Variants in SYCP2L observed in about 807,000 individuals in gnomAD.
SYCP2L encodes the protein synaptonemal complex protein 2 like.
Under a neutral mutation model 125.8 loss-of-function variants are expected in SYCP2L, and 98 were observed. That is an observed-to-expected ratio of 0.78 (90% CI 0.66 to 0.92). SYCP2L has a LOEUF of 0.92. SYCP2L is among the 40% of genes least tolerant of loss of function. The probability of loss-of-function intolerance (pLI) is 0.00; values close to 1 mark genes in which losing one functional copy is unlikely to be tolerated. For synonymous variants in SYCP2L, 317 were observed against 325.4 expected (o/e 0.97, Z 0.28); for missense variants, 842 against 936.4 (o/e 0.90, Z 1.32).
At chr6:10,918,394 C>T (rs1201418042) in intron 14 of SYCP2L, among the ~76,000 whole-genome samples, 6 of 151,980 alleles carry the variant, frequency 3.9e-5, no homozygotes, top group East Asian at 1.9e-4. Flanking sequence ...TCTTCTTTCT[C>T]GGGAGTGCCA....
At chr6:10,953,699 A>C (rs1437131156) in intron 23 of SYCP2L, among the ~76,000 whole-genome samples, 1 of 152,152 alleles carries the variant, frequency 6.6e-6, no homozygotes, top group Non-Finnish European at 1.5e-5. Flanking sequence ...GGTGTCAGGG[A>C]TATGGTAGTG....
intron 21 of SYCP2L, among the ~76,000 whole-genome samples, chr6:10,937,353 C>G (rs1781117697): frequency 6.6e-6 from 1 of 151,894 alleles, no homozygotes; most frequent in African/African-American, 2.4e-5. Flanking sequence ...ACCAATGGAT[C>G]AAATAAATTA....
intron 5 of SYCP2L, 118 bp downstream of exon 5, chr6:10,898,233 G>A (rs1780293047): frequency 1.3e-6 from 1 of 760,082 alleles, no homozygotes. Flanking sequence ...AGACTCACAT[G>A]GCTGGGCGTG....
chr6:10,945,213 A>G (rs1781289205), intron 23 of SYCP2L, among the ~76,000 whole-genome samples: 1 of 152,212 alleles, frequency 6.6e-6, no homozygotes, highest in Non-Finnish European at 1.5e-5. Flanking sequence ...AGTATATGCC[A>G]ATTTTTAAAA....
chr6:10,918,824 A>G (rs1237855428), intron 14 of SYCP2L, among the ~76,000 whole-genome samples: 1 of 152,154 alleles, frequency 6.6e-6, no homozygotes, highest in African/African-American at 2.4e-5. Flanking sequence ...GTGAGCTACC[A>G]TGCCCGGCTG....
chr6:10,950,967 A>ATT (rs150082383), intron 23 of SYCP2L, among the ~76,000 whole-genome samples: 3 of 150,328 alleles, frequency 2.0e-5, no homozygotes, highest in Non-Finnish European at 4.4e-5. Context: ...CCAGAGGATA[A>ATT]TTTTTTTTTT....
intron 14 of SYCP2L, among the ~76,000 whole-genome samples, chr6:10,922,021 T>G (rs1365122141): frequency 6.6e-6 from 1 of 152,056 alleles, no homozygotes; most frequent in Non-Finnish European, 1.5e-5. Context: ...TTTTTAATGT[T>G]TTTTGTTTGT....
Position 10,935,099 on chromosome 6 carries a change from A to C in SYCP2L, c.1725A>C (p.Gln575His). 6.2e-7 allele frequency: 1 copy of C among 1,612,868 alleles called. No individual in the cohort carries two copies. The highest frequency in any genetic ancestry group is 8.5e-7 in the Non-Finnish European group (1 of 1,179,506). Residue 575 changes from glutamine (Q) to histidine (H), a missense_variant, in exon 21 of 30, where the codon CAA becomes CAC. Physicochemically the swap from Gln to His is conservative, Grantham distance 24. Coordinates refer to ENST00000283141, the MANE Select transcript of SYCP2L (RefSeq NM_001040274.3). Reference protein sequence around the residue: ...LSPSEKEIPEQNNTTSPKTSE... With the variant: ...LSPSEKEIPEHNNTTSPKTSE... ...CATCAGAGAAAGAAATACCCGAGCA[A>C]AATAACACCACATCTCCAAAGACTT...
chr6:10,942,322 C>G (rs1255381640), intron 21 of SYCP2L, 137 bp from the exon 22 acceptor site: 3 of 599,060 alleles, frequency 5.0e-6, no homozygotes, highest in Non-Finnish European at 8.4e-6. Flanking sequence ...CCGAAAGACA[C>G]AGTCAGTAGA....
chr6:10,972,696 TTA>T (rs1460373163), intron 29 of SYCP2L, among the ~76,000 whole-genome samples: 1 of 152,174 alleles, frequency 6.6e-6, no homozygotes, highest in African/African-American at 2.4e-5. Flanking sequence ...CGCTTTTTAT[TTA>T]TTTAGTCTAT....
chr6:10,888,514 A>G (rs1044276312), intron 1 of SYCP2L, among the ~76,000 whole-genome samples: 7 of 152,178 alleles, frequency 4.6e-5, no homozygotes, highest in Non-Finnish European at 8.8e-5. Flanking sequence ...CTGCCACATG[A>G]TCTTCACAGA....
At chr6:10,908,130 C>T (rs752919070) in intron 10 of SYCP2L, among the ~76,000 whole-genome samples, 3 of 151,878 alleles carry the variant, frequency 2.0e-5, no homozygotes, top group South Asian at 2.1e-4. Flanking sequence ...TCAGGTGATC[C>T]GCCCACCTTG....
At chr6:10,961,643 G>A (rs1781595309) in intron 28 of SYCP2L, 85 bp downstream of exon 28, 9 of 1,344,432 alleles carry the variant, frequency 6.7e-6, no homozygotes, top group Non-Finnish European at 9.5e-6. Context: ...GTTGGTGACG[G>A]TAAAACTCCC....
intron 17 of SYCP2L, among the ~76,000 whole-genome samples, chr6:10,928,118 C>T (rs141013170): frequency 0.02 from 3,002 of 152,022 alleles, 87 homozygotes; most frequent in African/African-American, 0.068. Flanking sequence ...GTGCAGTTAA[C>T]GCAATCATCA....
At chr6:10,919,555 C>G (rs1212809550) in intron 14 of SYCP2L, among the ~76,000 whole-genome samples, 1 of 152,172 alleles carries the variant, frequency 6.6e-6, no homozygotes, top group South Asian at 2.1e-4. Context: ...GGTTGGCCTT[C>G]TGCCGGTAGG....
At chr6:10,938,414 A>G (rs1781145430) in intron 21 of SYCP2L, among the ~76,000 whole-genome samples, 1 of 152,196 alleles carries the variant, frequency 6.6e-6, no homozygotes, top group Non-Finnish European at 1.5e-5. Flanking sequence ...CCTCAATATT[A>G]AAAAGGCCAT....
chr6:10,906,553 G>T (rs1780494008), intron 9 of SYCP2L, among the ~76,000 whole-genome samples: 2 of 151,340 alleles, frequency 1.3e-5, no homozygotes, highest in African/African-American at 4.9e-5. Context: ...TAGTTTATTT[G>T]CTGTGAAATA....
rs955086961 is a variant in SYCP2L at position 10,974,103 on chromosome 6, T to A, written c.*189T>A. The A allele has an allele frequency of 1.3e-5, 2 of 152,208 alleles. No homozygotes were observed. The highest frequency in any genetic ancestry group is 6.5e-5 in the Admixed American group (1 of 15,282). 9.4% of individuals were successfully genotyped at this position (152,208 alleles called of 1,614,324 possible). A position where few individuals can be genotyped will look rare whatever the true frequency, so the allele number is the denominator to read the frequency against. On this transcript the variant is annotated 3_prime_UTR_variant, in exon 30 of 30. Coordinates refer to ENST00000283141, the MANE Select transcript of SYCP2L (RefSeq NM_001040274.3). The stretch of plus-strand genomic sequence containing the variant: ...GTTCAGATAGAATATATGTTGGTAG[T>A]TTGCAGTTGGGTTATTATCCATTTG...
At chr6:10,898,767 G>T in intron 5 of SYCP2L, 57 bp from the exon 6 acceptor site, 1 of 1,123,670 alleles carries the variant, frequency 8.9e-7, no homozygotes, top group African/African-American at 1.5e-5. Flanking sequence ...TTCACATTAC[G>T]GTTTATCATG....
Sources: allele counts gnomAD v4.1 joint callset (sites outside exome capture counted in the v4.1 genomes callset), GRCh38; gene constraint gnomAD v4.1.1; transcripts MANE v1.5; gene names NCBI Gene and HGNC (gene_info 2026-07-23, HGNC 2026-07-21).